AGAP1: variants seen among roughly 807,000 people sequenced by gnomAD.
The protein encoded by AGAP1 is ArfGAP with GTPase domain, ankyrin repeat and PH domain 1.
AGAP1 carries 29 observed loss-of-function variants against 105.3 expected under a neutral mutation model. The observed-to-expected ratio is 0.28, with a 90% CI of 0.21 to 0.38. AGAP1 has a LOEUF of 0.38. Among genes scored for constraint, AGAP1 ranks in the 10% least tolerant of loss-of-function variants. The probability of loss-of-function intolerance (pLI) is 1.00; values close to 1 mark genes in which losing one functional copy is unlikely to be tolerated. For missense variants in AGAP1, 998 were observed against 1,165.1 expected (o/e 0.86, Z 2.09); for synonymous variants, 509 against 485.9 (o/e 1.05, Z -0.63).
At chr2:235,666,882 A>G (rs1350349377) in intron 1 of AGAP1, among the ~76,000 whole-genome samples, 1 of 152,066 alleles carries the variant, frequency 6.6e-6, no homozygotes, top group Non-Finnish European at 1.5e-5. Context: ...GTATGTGAAC[A>G]TTGCCCTGGT....
rs1008952112 is a variant in AGAP1 at position 235,737,670 on chromosome 2, G to A, written c.311-3293G>A. Among the ~76,000 whole-genome samples, 1 of 152,202 alleles carries A rather than the reference G, an allele frequency of 6.6e-6. No individual in the cohort carries two copies. The highest frequency in any genetic ancestry group is 2.4e-5 in the African/African-American group (1 of 41,450). The stretch of plus-strand genomic sequence containing the variant: ...CGTCCTATGCATGCTCACCTGACAT[G>A]CAACAGGGAGGGTCATCTGCCAGGG... On this transcript the variant is annotated intron_variant, in intron 3 of 17. Coordinates refer to ENST00000304032, the MANE Select transcript of AGAP1 (RefSeq NM_001037131.3). This position sits in a 1 kb window ranked among gnomAD's most constrained non-coding sequence, Gnocchi z 4.5.
chr2:235,952,431 G>C (rs1190510963), intron 12 of AGAP1, among the ~76,000 whole-genome samples: 4 of 152,098 alleles, frequency 2.6e-5, no homozygotes, highest in Non-Finnish European at 5.9e-5. Flanking sequence ...TATCAAAAAT[G>C]TTTATACTGT....
chr2:236,094,314 T>C (rs1462505848), intron 16 of AGAP1, among the ~76,000 whole-genome samples: 3 of 148,876 alleles, frequency 2.0e-5, no homozygotes, highest in Non-Finnish European at 3.0e-5. Flanking sequence ...AAATTGCAAA[T>C]ACGATGGGTC....
Position 235,992,648 on chromosome 2 carries a change from A to G in AGAP1, c.1645+24025A>G, listed in dbSNP as rs2055619188. 6.6e-6 allele frequency among the ~76,000 whole-genome samples: 1 copy of G among 152,266 alleles called. No individual in the cohort carries two copies. The highest frequency in any genetic ancestry group is 6.5e-5 in the Admixed American group (1 of 15,292). On this transcript the variant is annotated intron_variant, in intron 13 of 17. Coordinates refer to ENST00000304032, the MANE Select transcript of AGAP1 (RefSeq NM_001037131.3). This position sits in a 1 kb window ranked among gnomAD's most constrained non-coding sequence, Gnocchi z 4.8. ...TTAAATGTTGAAGGCAATACTCATC[A>G]GAGTATGCATTAAGTAGCATTGAAC...
chr2:235,594,603 C>A (rs116220378), intron 1 of AGAP1, among the ~76,000 whole-genome samples: 2,308 of 152,156 alleles, frequency 0.015, 57 homozygotes, highest in African/African-American at 0.053. Flanking sequence ...GAGAGGGAGT[C>A]TTGCTCTGTT....
At chr2:235,573,046 TTCTTCTTC>T (rs1275082408) in intron 1 of AGAP1, among the ~76,000 whole-genome samples, 1,943 of 17,868 alleles carry the variant, frequency 0.11, 243 homozygotes, top group African/African-American at 0.24. Context: ...CTTCTTCTTC[TTCTTCTTC>T]TTCTTCTTTC....
chr2:235,524,750 C>T (rs1055712424), intron 1 of AGAP1, among the ~76,000 whole-genome samples: 3 of 152,164 alleles, frequency 2.0e-5, no homozygotes, highest in African/African-American at 7.2e-5. Context: ...GACCTCGTCC[C>T]TTTCTTTTAG....
At chr2:236,016,222 G>C (rs1488338106) in intron 13 of AGAP1, among the ~76,000 whole-genome samples, 1 of 152,028 alleles carries the variant, frequency 6.6e-6, no homozygotes, top group Non-Finnish European at 1.5e-5. Context: ...CCAAATGAAA[G>C]AGGGAAAAGA....
chr2:235,562,468 T>C (rs58828740), intron 1 of AGAP1, among the ~76,000 whole-genome samples: 11,107 of 152,084 alleles, frequency 0.073, 508 homozygotes, highest in South Asian at 0.18. Context: ...CTGAGCATGG[T>C]GTGTGAGACT....
chr2:236,109,568 G>A lies in AGAP1; in HGVS notation c.2115-10624G>A, dbSNP rs148817169. On this transcript the variant is annotated intron_variant, in intron 16 of 17. Transcript: ENST00000304032. This position sits in a 1 kb window ranked among gnomAD's most constrained non-coding sequence, Gnocchi z 5.4. Reference sequence around the variant, plus strand: ...TGGAAATGTCCTAGTCAGCGGCAGCGTCGGTGCTCTGGACCGGCAGCCATG... The same window carrying A: ...TGGAAATGTCCTAGTCAGCGGCAGCATCGGTGCTCTGGACCGGCAGCCATG... Among the ~76,000 whole-genome samples, 345 of 152,266 alleles carry A rather than the reference G, an allele frequency of 2.3e-3. 1 individual carries two copies. The highest frequency in any genetic ancestry group is 7.6e-3 in the African/African-American group (315 of 41,548).
At chr2:235,774,255 A>G in intron 6 of AGAP1, 1 of 427,736 alleles carries the variant, frequency 2.3e-6, no homozygotes, top group Admixed American at 3.1e-5. Context: ...GTAAGGCAGA[A>G]ATTCCAGCCT....
intron 9 of AGAP1, among the ~76,000 whole-genome samples, chr2:235,869,600 CAAAAAT>C (rs756479003): frequency 6.6e-5 from 10 of 152,080 alleles, no homozygotes; most frequent in Non-Finnish European, 1.5e-4. Flanking sequence ...GACTCCGTCT[CAAAAAT>C]AAAAAATAAA....
At chr2:235,572,293 T>C (rs1407581021) in intron 1 of AGAP1, among the ~76,000 whole-genome samples, 1 of 151,954 alleles carries the variant, frequency 6.6e-6, no homozygotes, top group African/African-American at 2.4e-5. Context: ...TAGGACTTTC[T>C]AGATGCACAT....
At chr2:235,538,630 G>A (rs1204571741) in intron 1 of AGAP1, among the ~76,000 whole-genome samples, 1 of 151,986 alleles carries the variant, frequency 6.6e-6, no homozygotes, top group Non-Finnish European at 1.5e-5. Flanking sequence ...TCTCCGCCAC[G>A]GAGACTGCTT....
rs2049627570 is a variant in AGAP1 at position 235,874,789 on chromosome 2, C to T, written c.1051-8556C>T. ...TACAAAGATAGCATTACTCCTAGAA[C>T]CAAGATACCATGAGTGTGTGTGTGC... On this transcript the variant is annotated intron_variant, in intron 9 of 17. Coordinates refer to ENST00000304032, the MANE Select transcript of AGAP1 (RefSeq NM_001037131.3). The surrounding 1 kb of genome is among the most constrained non-coding windows in gnomAD (Gnocchi z 4.5). 6.6e-6 allele frequency among the ~76,000 whole-genome samples: 1 copy of T among 152,172 alleles called. No homozygotes were observed. Among genetic ancestry groups the T allele is most frequent in the African/African-American group, 2.4e-5 (1 of 41,444 alleles).
In AGAP1 at chr2:235,660,154, G is replaced by A. The variant is rs1468709488; in HGVS notation, c.164-49025G>A. Among the ~76,000 whole-genome samples the A allele has an allele frequency of 6.6e-6, 1 of 152,188 alleles. No individual in the cohort carries two copies. The highest frequency in any genetic ancestry group is 1.5e-5 in the Non-Finnish European group (1 of 68,038). ...GGAGGGAGGGACAGGCTTTCTCAGG[G>A]GGGCGGCCACCCAAGATCAGCTGCG... is the stretch of plus-strand genomic sequence containing the variant. On this transcript the variant is annotated intron_variant, in intron 1 of 17. Transcript: ENST00000304032. This position sits in a 1 kb window ranked among gnomAD's most constrained non-coding sequence, Gnocchi z 5.3.
rs2054892659 is a variant in AGAP1 at position 235,977,082 on chromosome 2, C to A, written c.1645+8459C>A. The stretch of plus-strand genomic sequence containing the variant: ...TTTTTTTTAGCTAGACTTAGAGATT[C>A]TCTTCTGCGAGTGGGGCTCGGTTAG... On this transcript the variant is annotated intron_variant, in intron 13 of 17. Transcript: ENST00000304032. This position sits in a 1 kb window ranked among gnomAD's most constrained non-coding sequence, Gnocchi z 5.2. Among the ~76,000 whole-genome samples, 1 of 152,154 alleles carries A rather than the reference C, an allele frequency of 6.6e-6. No homozygotes were observed. The highest frequency in any genetic ancestry group is 2.4e-5 in the African/African-American group (1 of 41,438).
At chr2:235,547,298 A>G (rs1318600770) in intron 1 of AGAP1, among the ~76,000 whole-genome samples, 1 of 146,482 alleles carries the variant, frequency 6.8e-6, no homozygotes, top group Non-Finnish European at 1.5e-5. Context: ...TTTAAATTTT[A>G]CTCTTTCCTC....
At position 235,586,613 on chromosome 2, in the gene AGAP1, T is replaced by A. The variant is rs1351485290; in HGVS notation, c.163+91764T>A. Among the ~76,000 whole-genome samples the A allele has an allele frequency of 2.0e-5, 3 of 152,160 alleles. No individual in the cohort carries two copies. The highest frequency in any genetic ancestry group is 7.2e-5 in the African/African-American group (3 of 41,434). ...GCAGGCTGAGGTCTCTTGGTGATAATCCACACACTGTCCTGGGCCTTGGTT... is the reference window on the plus strand; with the variant it reads ...GCAGGCTGAGGTCTCTTGGTGATAAACCACACACTGTCCTGGGCCTTGGTT... On this transcript the variant is annotated intron_variant, in intron 1 of 17. Transcript: ENST00000304032. The surrounding 1 kb of genome is among the most constrained non-coding windows in gnomAD (Gnocchi z 4.2).
Sources: gnomAD v4.1 joint callset for allele counts (sites outside exome capture counted in the v4.1 genomes callset) on GRCh38, gnomAD v4.1.1 for gene constraint, Gnocchi (gnomAD v3.1) non-coding constraint, MANE v1.5 for transcripts, NCBI Gene and HGNC (gene_info 2026-07-23, HGNC 2026-07-21) for gene names.